Variants in MRTFA observed in about 807,000 individuals in gnomAD.
MRTFA encodes the protein myocardin related transcription factor A, also known as myocardin-related transcription factor A.
A neutral mutation model predicts 83.5 loss-of-function variants in MRTFA; 20 were observed. That is an observed-to-expected ratio of 0.24 (90% CI 0.17 to 0.35). The LOEUF is 0.35. Among genes scored for constraint, MRTFA ranks in the 10% least tolerant of loss-of-function variants. The pLI, the probability that MRTFA is intolerant of heterozygous loss-of-function variation, is 1.00. For missense variants in MRTFA, 1,200 were observed against 1,224.7 expected, an observed-to-expected ratio of 0.98 and a Z score of 0.30; for synonymous variants, 659 against 541.2, an observed-to-expected ratio of 1.22 and a Z score of -3.02.
chr22:40,633,796 T>C (rs1268899052), intron 1 of MRTFA, among the ~76,000 whole-genome samples: 1 of 152,104 alleles, frequency 6.6e-6, no homozygotes, highest in Admixed American at 6.6e-5. Flanking sequence ...TAACTTGCAA[T>C]AGATGTAGTA....
intron 3 of MRTFA, among the ~76,000 whole-genome samples, chr22:40,484,877 C>G (rs59631558): frequency 0.018 from 2,673 of 151,920 alleles, 77 homozygotes; most frequent in African/African-American, 0.061. Flanking sequence ...TCGAGACCAT[C>G]CTGGCCAACA....
At chr22:40,490,598 C>A (rs5757966) in intron 3 of MRTFA, among the ~76,000 whole-genome samples, 56,225 of 128,368 alleles carry the variant, frequency 0.44, 11,382 homozygotes, top group East Asian at 0.65. Flanking sequence ...GATTCCATCT[C>A]AAAAAAAAAA....
At chr22:40,421,252 C>A (rs2052833021) in intron 9 of MRTFA, 152 bp from the exon 10 acceptor site, 1 of 853,798 alleles carries the variant, frequency 1.2e-6, no homozygotes, top group Non-Finnish European at 1.7e-6. Flanking sequence ...ACCGTACACC[C>A]CGTGAAAAGC....
At chr22:40,503,147 C>T (rs897030993) in intron 3 of MRTFA, among the ~76,000 whole-genome samples, 1 of 152,220 alleles carries the variant, frequency 6.6e-6, no homozygotes, top group Admixed American at 6.5e-5. Context: ...ACCACAAAGG[C>T]AGGTTCTTCA....
In MRTFA at chr22:40,423,621, G is replaced by A. The variant is rs1006427495; in HGVS notation, c.842C>T (p.Pro281Leu). Residue 281 changes from proline to leucine, a missense_variant, in exon 9 of 15, where the codon CCT becomes CTT. Pro to Leu is a moderately conservative substitution (Grantham distance 98). Coordinates refer to ENST00000355630, the MANE Select transcript of MRTFA (RefSeq NM_020831.6). The stretch of plus-strand genomic sequence containing the variant: ...AGGCAGCAGAGGTGGGGGAGGCAGA[G>A]GAGGCTGCTCTGCCAGGAAAAGCAT... 1.3e-6 allele frequency: 2 copies of A among 1,599,554 alleles called. No individual in the cohort carries two copies. Among genetic ancestry groups the A allele is most frequent in the African/African-American group, 1.3e-5 (1 of 74,408 alleles).
At chr22:40,558,993 G>A (rs561959232) in intron 2 of MRTFA, among the ~76,000 whole-genome samples, 7 of 152,128 alleles carry the variant, frequency 4.6e-5, no homozygotes, top group South Asian at 2.1e-4. Context: ...TGTTGGCCAG[G>A]CTGGTCTCGA....
intron 1 of MRTFA, among the ~76,000 whole-genome samples, chr22:40,607,699 C>T (rs542736548): frequency 6.6e-6 from 1 of 152,326 alleles, no homozygotes; most frequent in South Asian, 2.1e-4. Flanking sequence ...GTGCAATCTG[C>T]ATTACAATCT....
At chr22:40,623,396 G>A (rs2056545979) in intron 1 of MRTFA, among the ~76,000 whole-genome samples, 2 of 151,816 alleles carry the variant, frequency 1.3e-5, no homozygotes, top group African/African-American at 4.8e-5. Flanking sequence ...ATGTATACAT[G>A]TGCCATGCTG....
chr22:40,475,461 T>C (rs2899337), intron 3 of MRTFA, among the ~76,000 whole-genome samples: 12,353 of 151,760 alleles, frequency 0.081, 786 homozygotes, highest in East Asian at 0.24. Flanking sequence ...GGCTTGAATC[T>C]GGGAGGCGGA....
chr22:40,422,700 G>A (rs1227971503), intron 9 of MRTFA, among the ~76,000 whole-genome samples: 1 of 152,248 alleles, frequency 6.6e-6, no homozygotes, highest in Admixed American at 6.5e-5. Context: ...ATGGGACAGA[G>A]CCAGGGAGTG....
At chr22:40,505,921 T>C (rs1312447987) in intron 3 of MRTFA, among the ~76,000 whole-genome samples, 1 of 152,224 alleles carries the variant, frequency 6.6e-6, no homozygotes, top group Non-Finnish European at 1.5e-5. Context: ...AAAAAGTAGA[T>C]ATAACATAGA....
intron 2 of MRTFA, among the ~76,000 whole-genome samples, chr22:40,574,923 A>G (rs552099360): frequency 6.6e-6 from 1 of 152,352 alleles, no homozygotes; most frequent in Admixed American, 6.5e-5. Flanking sequence ...TGTGATAACC[A>G]AAAGTGAAAT....
chr22:40,509,360 C>A, intron 3 of MRTFA, among the ~76,000 whole-genome samples: 1 of 152,112 alleles, frequency 6.6e-6, no homozygotes, highest in Non-Finnish European at 1.5e-5. Flanking sequence ...AATATAATGC[C>A]AATATCATTA....
intron 2 of MRTFA, among the ~76,000 whole-genome samples, chr22:40,573,506 T>C (rs2055827086): frequency 6.6e-6 from 1 of 152,192 alleles, no homozygotes; most frequent in South Asian, 2.1e-4. Flanking sequence ...CTGCCTGCCT[T>C]AGCCTCCCAA....
intron 3 of MRTFA, among the ~76,000 whole-genome samples, chr22:40,495,456 A>G (rs2054336508): frequency 6.8e-6 from 1 of 146,852 alleles, no homozygotes; most frequent in Non-Finnish European, 1.5e-5. Context: ...CGTCTCAAAA[A>G]AAAAAAAAGT....
intron 8 of MRTFA, 82 bp from the exon 9 acceptor site, chr22:40,423,767 T>C: frequency 7.9e-7 from 1 of 1,258,592 alleles, no homozygotes; most frequent in Non-Finnish European, 1.1e-6. Flanking sequence ...CACAGGGTCC[T>C]CAGACGCCAC....
At chr22:40,521,825 G>GT (rs1316341327) in intron 3 of MRTFA, 1 of 151,314 alleles carries the variant, frequency 6.6e-6, no homozygotes, top group East Asian at 1.9e-4. Context: ...ATGGTACAAG[G>GT]TAAGAGTCAA....
At chr22:40,548,262 G>A (rs1193101277) in intron 3 of MRTFA, among the ~76,000 whole-genome samples, 1 of 146,464 alleles carries the variant, frequency 6.8e-6, no homozygotes, top group Non-Finnish European at 1.5e-5. Flanking sequence ...AGGAGGCTGA[G>A]GCACAAGAAT....
chr22:40,484,615 C>A (rs746672950), intron 3 of MRTFA, among the ~76,000 whole-genome samples: 3 of 152,144 alleles, frequency 2.0e-5, no homozygotes, highest in Admixed American at 6.6e-5. Context: ...GCAGGTTTTG[C>A]ACAAAATTTT....
Sources: gnomAD v4.1 joint callset for allele counts (sites outside exome capture counted in the v4.1 genomes callset) on GRCh38, gnomAD v4.1.1 for gene constraint, MANE v1.5 for transcripts, NCBI Gene and HGNC (gene_info 2026-07-23, HGNC 2026-07-21) for gene names.